CSMD1: variants seen among roughly 807,000 people sequenced by gnomAD.
CSMD1 encodes the protein CUB and Sushi multiple domains 1, also known as CUB and sushi domain-containing protein 1.
Under a neutral mutation model 417.5 loss-of-function variants are expected in CSMD1, and 213 were observed. That is an observed-to-expected ratio of 0.51 (90% CI 0.46 to 0.57). The LOEUF (loss-of-function observed/expected upper bound fraction) is 0.57. Ranked by LOEUF, CSMD1 falls within the 20% of genes least tolerant of loss-of-function variation. CSMD1 has a pLI of 0.00. For missense variants in CSMD1, 6,923 were observed against 4,529.7 expected (o/e 1.53, Z -15.17); for synonymous variants, 2,862 against 1,736.8 (o/e 1.65, Z -16.11).
chr8:3,742,926 T>G (rs1368156931), intron 6 of CSMD1, among the ~76,000 whole-genome samples: 2 of 152,192 alleles, frequency 1.3e-5, no homozygotes, highest in African/African-American at 4.8e-5. Flanking sequence ...CTGAGCAGCC[T>G]CATGTCGCAC....
chr8:4,529,451 T>C (rs1361937290), intron 2 of CSMD1, among the ~76,000 whole-genome samples: 1 of 152,218 alleles, frequency 6.6e-6, no homozygotes, highest in Non-Finnish European at 1.5e-5. Context: ...ATGTTATTTC[T>C]TATAAATATG....
At chr8:3,606,893 G>T (rs1801645118) in intron 8 of CSMD1, among the ~76,000 whole-genome samples, 1 of 151,642 alleles carries the variant, frequency 6.6e-6, no homozygotes, top group Admixed American at 6.6e-5. Context: ...TTGTATTTTT[G>T]TAGAGACAGG....
At chr8:3,384,706 ATAAAT>A (rs1810867327) in intron 18 of CSMD1, among the ~76,000 whole-genome samples, 1 of 92,896 alleles carries the variant, frequency 1.1e-5, no homozygotes, top group African/African-American at 4.5e-5. Flanking sequence ...TAAATTATAT[ATAAAT>A]ATATTTATAA....
rs1306096338 is a variant in CSMD1 at position 3,091,535 on chromosome 8, T to C, written c.7266A>G (p.Gly2422=). 4.4e-6 allele frequency: 7 copies of C among 1,604,740 alleles called. No individual in the cohort carries two copies. The highest frequency in any genetic ancestry group is 5.9e-6 in the Non-Finnish European group (7 of 1,177,940). ...WSTDHATSKK[G]FKIRYAAPYC... Reference sequence around the variant, plus strand: ...ACTTACCTGCATAGCGAATCTTGAATCCTTTCTTACTGGTGGCATGGTCAG... The same window carrying C: ...ACTTACCTGCATAGCGAATCTTGAACCCTTTCTTACTGGTGGCATGGTCAG... The change falls in exon 48 of 70, where the codon GGA becomes GGG. Residue 2422 remains glycine (G), a synonymous_variant. Transcript: ENST00000635120.
intron 2 of CSMD1, among the ~76,000 whole-genome samples, chr8:4,549,965 C>A (rs1344916192): frequency 6.8e-6 from 1 of 147,652 alleles, no homozygotes; most frequent in Non-Finnish European, 1.5e-5. Context: ...TTTCAACATT[C>A]TCTTAAAATG....
At chr8:4,984,048 G>T (rs1288728837) in intron 1 of CSMD1, among the ~76,000 whole-genome samples, 1 of 152,138 alleles carries the variant, frequency 6.6e-6, no homozygotes, top group Non-Finnish European at 1.5e-5. Context: ...AGTCAGTTTG[G>T]GAGAGAGATG....
intron 2 of CSMD1, among the ~76,000 whole-genome samples, chr8:4,441,507 G>A (rs112990820): frequency 6.6e-6 from 1 of 151,938 alleles, no homozygotes; most frequent in Non-Finnish European, 1.5e-5. Flanking sequence ...GAGAGAGAAT[G>A]CATTATAAAT....
intron 51 of CSMD1, among the ~76,000 whole-genome samples, chr8:3,024,505 C>T (rs1347045507): frequency 6.6e-6 from 1 of 152,176 alleles, no homozygotes; most frequent in African/African-American, 2.4e-5. Flanking sequence ...CAGGGTTTCA[C>T]CATGTTGGCC....
At chr8:4,250,538 C>G (rs2099529991) in intron 3 of CSMD1, among the ~76,000 whole-genome samples, 1 of 152,014 alleles carries the variant, frequency 6.6e-6, no homozygotes, top group African/African-American at 2.4e-5. Context: ...ATGAAGTCAA[C>G]CCTCAAAAGT....
At chr8:3,456,223 A>G (rs535794919) in intron 12 of CSMD1, among the ~76,000 whole-genome samples, 9 of 152,122 alleles carry the variant, frequency 5.9e-5, no homozygotes, top group Admixed American at 2.0e-4. Flanking sequence ...CCTTTCTTTG[A>G]CTAGGAAAGG....
chr8:4,296,695 G>GGTTT (rs1797703531), intron 3 of CSMD1, among the ~76,000 whole-genome samples: 1 of 76,092 alleles, frequency 1.3e-5, no homozygotes, highest in African/African-American at 4.8e-5. Context: ...CGAAAATAAG[G>GGTTT]GTTTTTTTTT....
At chr8:3,638,264 A>G (rs1334550292) in intron 7 of CSMD1, among the ~76,000 whole-genome samples, 1 of 152,146 alleles carries the variant, frequency 6.6e-6, no homozygotes, top group African/African-American at 2.4e-5. Context: ...AATAAATAAC[A>G]TGTACACCAT....
At chr8:4,623,364 T>C (rs1414071156) in intron 2 of CSMD1, among the ~76,000 whole-genome samples, 2 of 152,172 alleles carry the variant, frequency 1.3e-5, no homozygotes, top group Non-Finnish European at 2.9e-5. Context: ...ATACAACAAC[T>C]AAAATTCATC....
intron 54 of CSMD1, among the ~76,000 whole-genome samples, chr8:2,986,899 C>G (rs671488): frequency 0.013 from 1,923 of 151,700 alleles, 38 homozygotes; most frequent in African/African-American, 0.045. Context: ...GCGGTTTTTA[C>G]TACAGCAATA....
intron 3 of CSMD1, among the ~76,000 whole-genome samples, chr8:4,224,736 G>A (rs560904406): frequency 1.3e-5 from 2 of 152,244 alleles, no homozygotes; most frequent in African/African-American, 4.8e-5. Flanking sequence ...CCTAGCTTTT[G>A]GTGCATTCTC....
chr8:2,979,726 G>C (rs2128938422), intron 54 of CSMD1, among the ~76,000 whole-genome samples: 1 of 152,290 alleles, frequency 6.6e-6, no homozygotes, highest in South Asian at 2.1e-4. Context: ...GCAGAATCAA[G>C]GCTTACAGTG....
At chr8:4,959,992 T>C (rs772522425) in intron 1 of CSMD1, among the ~76,000 whole-genome samples, 1 of 152,194 alleles carries the variant, frequency 6.6e-6, no homozygotes, top group Non-Finnish European at 1.5e-5. Context: ...ACTTATGGTT[T>C]CTCTTTGCTC....
chr8:4,924,480 T>C (rs1806716340), intron 1 of CSMD1, among the ~76,000 whole-genome samples: 2 of 152,152 alleles, frequency 1.3e-5, no homozygotes, highest in Admixed American at 1.3e-4. Flanking sequence ...CTCAGTACTT[T>C]GAGAGGCTGG....
chr8:3,560,633 G>A (rs759319586), intron 10 of CSMD1, among the ~76,000 whole-genome samples: 3 of 152,146 alleles, frequency 2.0e-5, no homozygotes, highest in Non-Finnish European at 4.4e-5. Flanking sequence ...ATGGCGGGAT[G>A]ATATAAAAAC....
Sources: gnomAD v4.1 joint callset for allele counts (sites outside exome capture counted in the v4.1 genomes callset) on GRCh38, gnomAD v4.1.1 for gene constraint, MANE v1.5 for transcripts, NCBI Gene and HGNC (gene_info 2026-07-23, HGNC 2026-07-21) for gene names.